The following WDR19 variants were observed in gnomAD, a reference collection of about 807,000 sequenced individuals.
WDR19 encodes the protein WD repeat-containing protein 19.
A neutral mutation model predicts 180.0 loss-of-function variants in WDR19; 121 were observed. The ratio of observed to expected loss-of-function variants is 0.67; its 90% confidence interval spans 0.58 to 0.78. The LOEUF is 0.78. Among genes scored for constraint, WDR19 ranks in the 30% least tolerant of loss-of-function variants. The pLI, the probability that WDR19 is intolerant of heterozygous loss-of-function variation, is 0.00. For synonymous variants in WDR19, 497 were observed against 540.7 expected, an observed-to-expected ratio of 0.92 and a Z score of 1.12; for missense variants, 1,450 against 1,640.7, an observed-to-expected ratio of 0.88 and a Z score of 2.01.
Position 39,244,308 on chromosome 4 carries a change from C to T in WDR19, c.2482C>T (p.Arg828Cys), listed in dbSNP as rs1211391439. 4 of 1,613,782 alleles carry T rather than the reference C, an allele frequency of 2.5e-6. No homozygotes were observed. In the African/African-American group the frequency reaches 4.0e-5, roughly 16 times the overall value. Residue 828 changes from arginine (R) to cysteine (C), a missense_variant, in exon 22 of 37, where the codon CGT (arginine) becomes TGT (cysteine). By Grantham distance (180) the Arg-to-Cys change is radical. Transcript: ENST00000399820. Reference protein sequence around the residue: ...AQMSIRMGDIRRGVNQALKHP... With the variant: ...AQMSIRMGDICRGVNQALKHP... ...GATGTCCATAAGAATGGGAGACATA[C>T]GTCGAGGGGTTAACCAAGCCCTCAA... is the stretch of plus-strand genomic sequence containing the variant.
chr4:39,226,876 C>T (rs553103696), intron 15 of WDR19, among the ~76,000 whole-genome samples: 7 of 152,218 alleles, frequency 4.6e-5, no homozygotes, highest in Admixed American at 3.3e-4. Context: ...CTTGAGGAAT[C>T]GCCACACTGT....
chr4:39,234,989 A>G, intron 20 of WDR19, 114 bp downstream of exon 20: 1 of 638,174 alleles, frequency 1.6e-6, no homozygotes, highest in Non-Finnish European at 2.7e-6. Context: ...TTTTTAGAGA[A>G]AAAATACTGT....
chr4:39,232,045 C>G (rs1730921909), intron 18 of WDR19, 89 bp downstream of exon 18: 7 of 1,539,206 alleles, frequency 4.5e-6, no homozygotes, highest in Non-Finnish European at 5.4e-6. Context: ...TTAATCTTAC[C>G]TCTTAAACAA....
chr4:39,279,728 G>A (rs1736276951), intron 36 of WDR19, among the ~76,000 whole-genome samples: 1 of 132,750 alleles, frequency 7.5e-6, no homozygotes, highest in South Asian at 2.3e-4. Flanking sequence ...TTTTGAGACA[G>A]TCTTGCTCTA....
chr4:39,199,919 A>T (rs1727200160), intron 6 of WDR19, among the ~76,000 whole-genome samples: 1 of 152,254 alleles, frequency 6.6e-6, no homozygotes, highest in African/African-American at 2.4e-5. Flanking sequence ...AATGTTAATA[A>T]CTGGTAGATC....
intron 3 of WDR19, 28 bp downstream of exon 3, chr4:39,186,632 C>A (rs765249277): frequency 1.2e-5 from 18 of 1,472,152 alleles, no homozygotes; most frequent in Non-Finnish European, 1.6e-5. Context: ...TTTAAAAAAA[C>A]CTGTCAAGTT....
intron 20 of WDR19, among the ~76,000 whole-genome samples, chr4:39,236,666 A>G (rs1377127195): frequency 6.6e-6 from 1 of 152,190 alleles, no homozygotes; most frequent in Non-Finnish European, 1.5e-5. Context: ...TTGCACATGT[A>G]TGAAAATTAG....
intron 9 of WDR19, among the ~76,000 whole-genome samples, chr4:39,207,954 A>G (rs1302638151): frequency 1.3e-5 from 2 of 152,178 alleles, no homozygotes; most frequent in African/African-American, 4.8e-5. Flanking sequence ...TAAGACAACT[A>G]TACTATAAAG....
intron 10 of WDR19, 30 bp from the exon 11 acceptor site, chr4:39,215,811 A>C (rs1279746243): frequency 6.3e-7 from 1 of 1,581,184 alleles, no homozygotes; most frequent in African/African-American, 1.4e-5. Flanking sequence ...ATTGTTTTTG[A>C]ATAATCATTT....
chr4:39,263,816 C>T (rs754451033), intron 28 of WDR19, among the ~76,000 whole-genome samples: 3 of 151,398 alleles, frequency 2.0e-5, no homozygotes, highest in Admixed American at 6.6e-5. Flanking sequence ...CCCAGCTACT[C>T]GGGAGGCTGA....
At chr4:39,185,896 G>GT in intron 2 of WDR19, 79 bp downstream of exon 2, 16 of 943,180 alleles carry the variant, frequency 1.7e-5, no homozygotes, top group East Asian at 3.3e-5. Flanking sequence ...AGTTTTTTTT[G>GT]TTGTTGTTTT....
At chr4:39,239,990 T>C (rs1233914680) in intron 20 of WDR19, among the ~76,000 whole-genome samples, 2 of 152,010 alleles carry the variant, frequency 1.3e-5, no homozygotes, top group Non-Finnish European at 2.9e-5. Context: ...CTTGGCAACA[T>C]AGTGAGACCT....
intron 9 of WDR19, chr4:39,206,242 T>G (rs1353801283): frequency 6.6e-6 from 1 of 152,390 alleles, no homozygotes; most frequent in Non-Finnish European, 1.5e-5. Flanking sequence ...AAAGAGAACT[T>G]ATAATGCTCA....
At chr4:39,212,892 C>T (rs1431518064) in intron 9 of WDR19, among the ~76,000 whole-genome samples, 1 of 151,890 alleles carries the variant, frequency 6.6e-6, no homozygotes, top group Non-Finnish European at 1.5e-5. Context: ...TACCATTAAA[C>T]AAAAACCCAA....
chr4:39,199,571 A>C lies in WDR19; in HGVS notation c.500A>C (p.Gln167Pro), dbSNP rs1167555051. Residue 167 changes from glutamine (Q) to proline (P), a missense_variant, in exon 6 of 37, where the codon CAG becomes CCG. Physicochemically the swap from Gln to Pro is moderately conservative, Grantham distance 76. Transcript: ENST00000399820. ...GATAAAATGATTACAGTTAGTAATC[A>C]GGAAGGTGACACGATAAGACAGGTA... ...GEDKMITVSN[Q>P]EGDTIRQTQV... 1 of 1,613,374 alleles carries C rather than the reference A, an allele frequency of 6.2e-7. No homozygotes were observed. Among genetic ancestry groups the C allele is most frequent in the Non-Finnish European group, 8.5e-7 (1 of 1,179,678 alleles).
chr4:39,281,263 A>AGAGAGAGAG (rs57108177), intron 36 of WDR19, among the ~76,000 whole-genome samples: 11 of 147,214 alleles, frequency 7.5e-5, no homozygotes, highest in African/African-American at 1.0e-4. Context: ...AGAGAGAGAG[A>AGAGAGAGAG]AAGCCTACTA....
chr4:39,257,463 A>G, intron 27 of WDR19, 23 bp from the exon 28 acceptor site: 4 of 1,558,726 alleles, frequency 2.6e-6, no homozygotes, highest in Non-Finnish European at 3.5e-6. Flanking sequence ...GAAAATTTTT[A>G]ATTGCTGTAA....
intron 9 of WDR19, among the ~76,000 whole-genome samples, chr4:39,208,029 A>G (rs1728126533): frequency 6.6e-6 from 1 of 152,164 alleles, no homozygotes; most frequent in Admixed American, 6.5e-5. Flanking sequence ...ATGGCAAAAT[A>G]TTGATTCTAA....
intron 21 of WDR19, among the ~76,000 whole-genome samples, chr4:39,242,126 GA>G (rs1372094229): frequency 1.3e-5 from 2 of 152,030 alleles, no homozygotes; most frequent in Admixed American, 6.5e-5. Context: ...GGGTGCAGTG[GA>G]AGAATCAGCT....
Sources: allele counts gnomAD v4.1 joint callset (sites outside exome capture counted in the v4.1 genomes callset), GRCh38; gene constraint gnomAD v4.1.1; transcripts MANE v1.5; gene names NCBI Gene and HGNC (gene_info 2026-07-23, HGNC 2026-07-21).